TPM1: variants seen among roughly 807,000 people sequenced by gnomAD.
TPM1 encodes tropomyosin 1.
TPM1 carries 24 observed loss-of-function variants against 42.9 expected under a neutral mutation model. The ratio of observed to expected loss-of-function variants is 0.56; its 90% CI spans 0.41 to 0.79. TPM1 has a LOEUF of 0.79. Ranked by LOEUF, TPM1 falls within the 30% of genes least tolerant of loss-of-function variation. The pLI, the probability that TPM1 is intolerant of heterozygous loss-of-function variation, is 0.00. For synonymous variants in TPM1, 136 were observed against 130.1 expected (o/e 1.05, Z -0.31); for missense variants, 158 against 351.8 (o/e 0.45, Z 4.41).
At chr15:63,070,534 C>T, downstream of TPM1, 1 of 993,666 alleles carries the variant, frequency 1.0e-6, no homozygotes. Context: ...ATAAATAGAA[C>T]ACTATAAAAA....
chr15:63,056,772 TGTGTATACACAAATATG>T, intron 2 of TPM1, 196 bp from the exon 3 acceptor site: 1 of 644,702 alleles, frequency 1.6e-6, no homozygotes, highest in Non-Finnish European at 2.8e-6. Flanking sequence ...TGTATAGATT[TGTGTATACACAAATATG>T]GATGTTCACT....
intron 2 of TPM1, among the ~76,000 whole-genome samples, chr15:63,051,295 C>T (rs73431519): frequency 2.5e-4 from 38 of 152,196 alleles, no homozygotes; most frequent in African/African-American, 8.4e-4. Flanking sequence ...TAAGTATTTC[C>T]GGGATAGGAA....
chr15:63,065,416 G>A (rs2036166961), intron 9 of TPM1: 2 of 1,005,786 alleles, frequency 2.0e-6, no homozygotes, highest in Non-Finnish European at 1.2e-6. Context: ...GCATGTGCCT[G>A]CTGCCTTAGA....
chr15:63,070,162 A>G, downstream of TPM1: 2 of 1,383,194 alleles, frequency 1.4e-6, no homozygotes, highest in Non-Finnish European at 1.9e-6. Flanking sequence ...TTTATGGTAG[A>G]ATACTTATAT....
At chr15:63,065,249 T>G in intron 9 of TPM1, 1 of 987,534 alleles carries the variant, frequency 1.0e-6, no homozygotes, top group Non-Finnish European at 1.2e-6. Flanking sequence ...AACTTAAACA[T>G]TAAACTTTTT....
chr15:63,069,584 G>GGAAC (rs1254014929), downstream of TPM1, among the ~76,000 whole-genome samples: 1 of 152,168 alleles, frequency 6.6e-6, no homozygotes, highest in Admixed American at 6.5e-5. Context: ...AGGTATAAGA[G>GGAAC]GAACATTCAC....
At chr15:63,050,631 T>A (rs1206032123) in intron 2 of TPM1, among the ~76,000 whole-genome samples, 2 of 152,268 alleles carry the variant, frequency 1.3e-5, no homozygotes, top group Non-Finnish European at 2.9e-5. Context: ...TTAAGTAGTT[T>A]CAATTTTTTT....
intron 2 of TPM1, chr15:63,048,100 G>T: frequency 4.9e-6 from 2 of 405,822 alleles, no homozygotes; most frequent in Non-Finnish European, 9.7e-6. Flanking sequence ...TCCCGGGCAT[G>T]GGAATCTGGA....
At chr15:63,051,258 C>T (rs2033796282) in intron 2 of TPM1, among the ~76,000 whole-genome samples, 1 of 152,166 alleles carries the variant, frequency 6.6e-6, no homozygotes, top group African/African-American at 2.4e-5. Flanking sequence ...TACAAAAATT[C>T]CCAGCACTTT....
intron 2 of TPM1, chr15:63,046,494 A>G (rs2032407174): frequency 6.6e-6 from 1 of 152,158 alleles, no homozygotes; most frequent in African/African-American, 2.4e-5. Flanking sequence ...TATTATTACT[A>G]AAAACATTTT....
chr15:63,043,155 C>T, intron 1 of TPM1: 1 of 584,512 alleles, frequency 1.7e-6, no homozygotes. Flanking sequence ...GCTTATTTCC[C>T]TTCTCTGGTT....
At chr15:63,070,802 C>G, downstream of TPM1, 1 of 1,227,172 alleles carries the variant, frequency 8.1e-7, no homozygotes, top group Non-Finnish European at 1.0e-6. Flanking sequence ...CACGGCACAC[C>G]GTCAGTGAAC....
chr15:63,069,669 A>G (rs1220763392), downstream of TPM1, among the ~76,000 whole-genome samples: 3 of 152,062 alleles, frequency 2.0e-5, no homozygotes, highest in Non-Finnish European at 4.4e-5. Flanking sequence ...GACACTTCCT[A>G]AGTCTACCAA....
downstream of TPM1, among the ~76,000 whole-genome samples, chr15:63,066,985 A>G (rs1033136421): frequency 6.6e-6 from 1 of 152,224 alleles, no homozygotes; most frequent in Non-Finnish European, 1.5e-5. Flanking sequence ...ACAAACAGCA[A>G]TTAAGTGATT....
downstream of TPM1, chr15:63,070,109 A>G (rs751816418): frequency 4.0e-5 from 60 of 1,500,808 alleles, no homozygotes; most frequent in Admixed American, 1.7e-4. Flanking sequence ...TTGTTTCTCT[A>G]TATGGCTGGA....
chr15:63,059,301 G>A lies in TPM1; in HGVS notation c.375-262G>A, dbSNP rs116860970. ...ACAGATTCCTGACGTGGTACCTTTC[G>A]TCATCATTAATGTTAGATGCCTGAT... On this transcript the variant is annotated intron_variant, in intron 3 of 9. Coordinates refer to ENST00000403994, the MANE Select transcript of TPM1 (RefSeq NM_001018005.2). 0.011 allele frequency among the ~76,000 whole-genome samples: 1,733 copies of A among 152,264 alleles called. 20 individuals are homozygous for A. Among genetic ancestry groups the A allele is most frequent in the South Asian group, 0.04 (194 of 4,820 alleles).
intron 4 of TPM1, among the ~76,000 whole-genome samples, chr15:63,060,340 G>A (rs1030202144): frequency 1.3e-5 from 2 of 152,154 alleles, no homozygotes; most frequent in Admixed American, 1.3e-4. Context: ...ATCTGCTTCA[G>A]AGGCTCCCTT....
downstream of TPM1, chr15:63,069,884 C>A (rs771167283): frequency 3.1e-6 from 5 of 1,614,000 alleles, no homozygotes; most frequent in African/African-American, 4.0e-5. Flanking sequence ...ACTCTACCAG[C>A]AACTTGAGCA....
chr15:63,048,208 T>C (rs1160894548), intron 2 of TPM1: 3 of 463,454 alleles, frequency 6.5e-6, no homozygotes, highest in Non-Finnish European at 1.3e-5. Context: ...GGAGGGGCCC[T>C]AGAAGTGGAA....
Sources: gnomAD v4.1 joint callset for allele counts (sites outside exome capture counted in the v4.1 genomes callset) on GRCh38, gnomAD v4.1.1 for gene constraint, MANE v1.5 for transcripts, NCBI Gene and HGNC (gene_info 2026-07-23, HGNC 2026-07-21) for gene names.